Variants in PDE3A observed in about 807,000 individuals in gnomAD.
The protein encoded by PDE3A is cGMP-inhibited 3',5'-cyclic phosphodiesterase 3A.
Under a neutral mutation model 98.3 loss-of-function variants are expected in PDE3A, and 43 were observed. That is an observed-to-expected ratio of 0.44 (90% confidence interval 0.34 to 0.56). The LOEUF (loss-of-function observed/expected upper bound fraction) is 0.56, where lower values mean the gene tolerates loss of function less well. Ranked by LOEUF, PDE3A falls within the 20% of genes least tolerant of loss-of-function variation. The pLI, the probability that PDE3A is intolerant of heterozygous loss-of-function variation, is 0.01. For synonymous variants in PDE3A, 663 were observed against 567.9 expected (o/e 1.17, Z -2.38); for missense variants, 1,427 against 1,440.7 (o/e 0.99, Z 0.15).
At chr12:20,504,923 G>A (rs976901451) in intron 1 of PDE3A, among the ~76,000 whole-genome samples, 2 of 151,980 alleles carry the variant, frequency 1.3e-5, no homozygotes, top group African/African-American at 4.8e-5. Flanking sequence ...ACAAATTCTA[G>A]GGTTTAGAAC....
intron 1 of PDE3A, among the ~76,000 whole-genome samples, chr12:20,532,227 C>A (rs1941618574): frequency 6.6e-6 from 1 of 152,092 alleles, no homozygotes; most frequent in Non-Finnish European, 1.5e-5. Context: ...AAAAGGCACA[C>A]TGACAAAATC....
chr12:20,409,382 AT>A (rs1301167237), intron 1 of PDE3A, among the ~76,000 whole-genome samples: 1 of 152,086 alleles, frequency 6.6e-6, no homozygotes. Flanking sequence ...ATTTGAATAT[AT>A]TTGTTATTAT....
At chr12:20,576,376 CAT>C (rs1244991274) in intron 2 of PDE3A, among the ~76,000 whole-genome samples, 1 of 151,970 alleles carries the variant, frequency 6.6e-6, no homozygotes, top group Non-Finnish European at 1.5e-5. Flanking sequence ...AGTACTATTT[CAT>C]ATGTTACAAT....
intron 4 of PDE3A, among the ~76,000 whole-genome samples, chr12:20,620,917 C>G (rs1161955200): frequency 6.6e-6 from 1 of 151,958 alleles, no homozygotes; most frequent in East Asian, 2.0e-4. Flanking sequence ...CATTATGACA[C>G]TTACAGCTTA....
intron 15 of PDE3A, among the ~76,000 whole-genome samples, chr12:20,658,104 AAGAGT>A (rs559465668): frequency 1.4e-3 from 210 of 152,356 alleles, no homozygotes; most frequent in African/African-American, 4.9e-3. Context: ...GTAGAGATAG[AAGAGT>A]AATTTTTAAT....
chr12:20,388,915 A>G (rs1166588734), intron 1 of PDE3A, among the ~76,000 whole-genome samples: 4 of 152,054 alleles, frequency 2.6e-5, no homozygotes, highest in Non-Finnish European at 5.9e-5. Context: ...CACATCTAGG[A>G]TTATTAAAAT....
chr12:20,551,883 C>T (rs1942214103), intron 1 of PDE3A: 11 of 1,613,550 alleles, frequency 6.8e-6, no homozygotes, highest in Admixed American at 6.7e-5. Context: ...CCAACCACTA[C>T]GGACCCATCC....
chr12:20,458,908 T>C (rs994224786), intron 1 of PDE3A, among the ~76,000 whole-genome samples: 1 of 152,148 alleles, frequency 6.6e-6, no homozygotes, highest in African/African-American at 2.4e-5. Context: ...CACAGAATGA[T>C]TGAAAAATGC....
At chr12:20,651,323 G>A (rs1944910742) in intron 14 of PDE3A, among the ~76,000 whole-genome samples, 1 of 152,100 alleles carries the variant, frequency 6.6e-6, no homozygotes, top group Non-Finnish European at 1.5e-5. Flanking sequence ...ATGTGGAGGT[G>A]AAGGAGCATG....
At chr12:20,629,033 G>T (rs1477771911) in intron 5 of PDE3A, among the ~76,000 whole-genome samples, 1 of 152,120 alleles carries the variant, frequency 6.6e-6, no homozygotes, top group Non-Finnish European at 1.5e-5. Flanking sequence ...ACATTACATT[G>T]TTCAGCCATA....
At chr12:20,487,633 A>G (rs751997919) in intron 1 of PDE3A, among the ~76,000 whole-genome samples, 1 of 150,810 alleles carries the variant, frequency 6.6e-6, no homozygotes, top group Non-Finnish European at 1.5e-5. Context: ...AGCCTGGGCA[A>G]CAGAGAGAGA....
chr12:20,399,308 T>A (rs2120651406), intron 1 of PDE3A, among the ~76,000 whole-genome samples: 1 of 152,316 alleles, frequency 6.6e-6, no homozygotes, highest in Non-Finnish European at 1.5e-5. Context: ...GATTTTTATA[T>A]TGTTTAAAAG....
rs144049528 is a variant in PDE3A, at chr12:20,428,207, C to A, written c.960+57963C>A. On this transcript the variant is annotated intron_variant, in intron 1 of 15. Coordinates refer to ENST00000359062, the MANE Select transcript of PDE3A (RefSeq NM_000921.5). ...GAGTAAAATCTCTAAAGTCTAAAAT[C>A]CAGAAAATCACAATCCCCAAAACAT... 2.3e-3 allele frequency among the ~76,000 whole-genome samples: 347 copies of A among 152,114 alleles called. 4 individuals carry two copies. The highest frequency in any genetic ancestry group is 7.8e-3 in the African/African-American group (323 of 41,508).
chr12:20,495,538 G>C (rs1482612654), intron 1 of PDE3A, among the ~76,000 whole-genome samples: 3 of 151,626 alleles, frequency 2.0e-5, no homozygotes, highest in Non-Finnish European at 4.4e-5. Context: ...ATTTTTTTCT[G>C]TATTAAGTTT....
chr12:20,620,338 G>A (rs915199447), intron 4 of PDE3A, among the ~76,000 whole-genome samples: 1 of 151,974 alleles, frequency 6.6e-6, no homozygotes, highest in Non-Finnish European at 1.5e-5. Context: ...ATTGTACCCA[G>A]TACCAAATTT....
intron 1 of PDE3A, among the ~76,000 whole-genome samples, chr12:20,478,328 C>T (rs1945564476): frequency 6.6e-6 from 1 of 152,090 alleles, no homozygotes. Context: ...GTAATAGCTG[C>T]AGTTGTAATC....
At chr12:20,544,923 G>C (rs1737582830) in intron 1 of PDE3A, among the ~76,000 whole-genome samples, 1 of 151,968 alleles carries the variant, frequency 6.6e-6, no homozygotes, top group Admixed American at 6.6e-5. Flanking sequence ...TTTCATCTGA[G>C]TTCCTTTAAA....
intron 1 of PDE3A, among the ~76,000 whole-genome samples, chr12:20,437,612 G>A (rs1197220622): frequency 1.3e-5 from 2 of 152,080 alleles, no homozygotes; most frequent in African/African-American, 2.4e-5. Context: ...AACACCGGGA[G>A]GGTGCCACAC....
At chr12:20,650,032 TGGTA>T (rs1283066875) in intron 13 of PDE3A, among the ~76,000 whole-genome samples, 3 of 152,188 alleles carry the variant, frequency 2.0e-5, no homozygotes, top group African/African-American at 7.2e-5. Flanking sequence ...TGTAGGTACA[TGGTA>T]GGTATATATA....
Sources: gnomAD v4.1 joint callset for allele counts (sites outside exome capture counted in the v4.1 genomes callset) on GRCh38, gnomAD v4.1.1 for gene constraint, MANE v1.5 for transcripts, NCBI Gene and HGNC (gene_info 2026-07-23, HGNC 2026-07-21) for gene names.